The following LHFPL3 variants were observed in gnomAD, a reference collection of about 807,000 sequenced individuals.
LHFPL3 encodes LHFPL tetraspan subfamily member 3 protein.
In LHFPL3, 5 loss-of-function variants were observed where a neutral mutation model predicts 19.3. The observed-to-expected ratio is 0.26, with a 90% CI of 0.14 to 0.54. The LOEUF is 0.54. Among genes scored for constraint, LHFPL3 ranks in the 20% least tolerant of loss-of-function variants. The probability of loss-of-function intolerance (pLI) is 0.94; values close to 1 mark genes in which losing one functional copy is unlikely to be tolerated. For missense variants in LHFPL3, 249 were observed against 307.4 expected, an observed-to-expected ratio of 0.81 and a Z score of 1.42; for synonymous variants, 133 against 126.2, an observed-to-expected ratio of 1.05 and a Z score of -0.36.
intron 1 of LHFPL3, among the ~76,000 whole-genome samples, chr7:104,547,625 T>A (rs187741545): frequency 2.9e-3 from 437 of 152,316 alleles, no homozygotes; most frequent in Non-Finnish European, 3.6e-3. Context: ...AGAGGCAGAC[T>A]GGGTTCTCCA....
chr7:104,670,377 T>A lies in LHFPL3; in HGVS notation c.446-66298T>A, dbSNP rs188556590. Among the ~76,000 whole-genome samples, 1,107 of 152,292 alleles carry A rather than the reference T, an allele frequency of 7.3e-3. 12 individuals are homozygous for A. Among genetic ancestry groups the A allele is most frequent in the African/African-American group, 0.025 (1,019 of 41,558 alleles). On this transcript the variant is annotated intron_variant, in intron 1 of 2. Coordinates refer to ENST00000424859, the MANE Select transcript of LHFPL3 (RefSeq NM_199000.3). ...TGGGGGTCGTGGTAATTCCCAATGT[T>A]TTCTGTGTCCTAGTTTTACCCTTTC...
chr7:104,811,309 C>T (rs1320300899), intron 2 of LHFPL3, among the ~76,000 whole-genome samples: 1 of 152,142 alleles, frequency 6.6e-6, no homozygotes, highest in African/African-American at 2.4e-5. Flanking sequence ...ATCCTCCCAC[C>T]TCAGCCTCCC....
chr7:104,337,071 G>A (rs1240364291), intron 1 of LHFPL3, among the ~76,000 whole-genome samples: 1 of 151,988 alleles, frequency 6.6e-6, no homozygotes, highest in African/African-American at 2.4e-5. Flanking sequence ...TGCAGGGAAT[G>A]TTTTCTGCAT....
intron 1 of LHFPL3, among the ~76,000 whole-genome samples, chr7:104,496,342 G>T (rs976875062): frequency 6.6e-6 from 1 of 152,132 alleles, no homozygotes; most frequent in African/African-American, 2.4e-5. Flanking sequence ...GTGTATATGT[G>T]CCACATTTTC....
At chr7:104,708,949 C>T (rs1793241393) in intron 1 of LHFPL3, among the ~76,000 whole-genome samples, 1 of 152,072 alleles carries the variant, frequency 6.6e-6, no homozygotes, top group South Asian at 2.1e-4. Flanking sequence ...TAACAGTTAC[C>T]TGACTGAAGA....
rs75560059 is a variant in LHFPL3, at chr7:104,643,709, G to T, written c.446-92966G>T. 4.5e-3 allele frequency among the ~76,000 whole-genome samples: 680 copies of T among 152,298 alleles called. 40 individuals carry two copies. The East Asian group carries it at 0.11, about 25-fold the overall frequency. ...GCCTGGGCTTTTTAAAAGCTCCCCA[G>T]ATGATTCTAGTGGGCAACCAAAGCT... On this transcript the variant is annotated intron_variant, in intron 1 of 2. Coordinates refer to ENST00000424859, the MANE Select transcript of LHFPL3 (RefSeq NM_199000.3).
At chr7:104,679,872 A>C (rs975873259) in intron 1 of LHFPL3, among the ~76,000 whole-genome samples, 1 of 152,226 alleles carries the variant, frequency 6.6e-6, no homozygotes, top group Non-Finnish European at 1.5e-5. Flanking sequence ...AGCGACACGC[A>C]TAATAGTGGG....
At chr7:104,868,081 AAAT>A (rs1791764004) in intron 2 of LHFPL3, among the ~76,000 whole-genome samples, 2 of 152,190 alleles carry the variant, frequency 1.3e-5, no homozygotes, top group Non-Finnish European at 1.5e-5. Flanking sequence ...ATGTATCTCA[AAAT>A]AATAAGAGCT....
chr7:104,389,009 G>A (rs1417524763), intron 1 of LHFPL3, among the ~76,000 whole-genome samples: 1 of 152,072 alleles, frequency 6.6e-6, no homozygotes, highest in Non-Finnish European at 1.5e-5. Flanking sequence ...TCATACCAGA[G>A]GTTCTAGCCA....
intron 2 of LHFPL3, among the ~76,000 whole-genome samples, chr7:104,843,867 TA>T (rs1444146227): frequency 6.6e-6 from 1 of 152,182 alleles, no homozygotes; most frequent in Admixed American, 6.6e-5. Context: ...CATGGAATGC[TA>T]CATGTTTTTA....
intron 2 of LHFPL3, among the ~76,000 whole-genome samples, chr7:104,902,867 C>G (rs1792518202): frequency 6.6e-6 from 1 of 152,124 alleles, no homozygotes; most frequent in African/African-American, 2.4e-5. Flanking sequence ...GACCCAAGAC[C>G]AGAGCAGATT....
intron 1 of LHFPL3, among the ~76,000 whole-genome samples, chr7:104,693,415 C>A (rs892048028): frequency 1.3e-5 from 2 of 152,112 alleles, no homozygotes; most frequent in African/African-American, 4.8e-5. Flanking sequence ...GTGTTCCCAC[C>A]CAAATCTCAT....
chr7:104,626,056 T>C (rs1428282125), intron 1 of LHFPL3, among the ~76,000 whole-genome samples: 1 of 152,238 alleles, frequency 6.6e-6, no homozygotes, highest in Non-Finnish European at 1.5e-5. Flanking sequence ...CACAAAGTAC[T>C]GTAGCCATTT....
chr7:104,680,218 C>G (rs1792670369), intron 1 of LHFPL3, among the ~76,000 whole-genome samples: 1 of 152,210 alleles, frequency 6.6e-6, no homozygotes, highest in African/African-American at 2.4e-5. Context: ...TGTGGCCACT[C>G]AATCAGCCTG....
At chr7:104,499,930 T>C (rs1793567885) in intron 1 of LHFPL3, among the ~76,000 whole-genome samples, 1 of 152,218 alleles carries the variant, frequency 6.6e-6, no homozygotes, top group Non-Finnish European at 1.5e-5. Flanking sequence ...GCCAGCAGAT[T>C]AAAAAGATGT....
intron 1 of LHFPL3, among the ~76,000 whole-genome samples, chr7:104,380,250 G>T (rs1380563915): frequency 6.6e-6 from 1 of 152,086 alleles, no homozygotes; most frequent in African/African-American, 2.4e-5. Context: ...CCAGCACACA[G>T]TACTTAATAA....
Position 104,828,916 on chromosome 7 carries a change from T to G in LHFPL3, c.683-77271T>G, listed in dbSNP as rs576871817. Among the ~76,000 whole-genome samples, 33 of 151,832 alleles carry G rather than the reference T, an allele frequency of 2.2e-4. No individual in the cohort carries two copies. The South Asian group carries it at 6.7e-3, about 31-fold the overall frequency. ...TGGGCATGATGGTGCACGCCTGTAA[T>G]CCCAGCTTCTCGGGAGGCTGGGGTG... On this transcript the variant is annotated intron_variant, in intron 2 of 2. Coordinates refer to ENST00000424859, the MANE Select transcript of LHFPL3 (RefSeq NM_199000.3).
intron 1 of LHFPL3, among the ~76,000 whole-genome samples, chr7:104,395,574 A>G (rs1462832303): frequency 6.6e-6 from 1 of 152,186 alleles, no homozygotes; most frequent in Non-Finnish European, 1.5e-5. Context: ...AGAAGGACCC[A>G]CTGACTGACA....
chr7:104,698,489 C>T (rs1373922762), intron 1 of LHFPL3, among the ~76,000 whole-genome samples: 1 of 152,132 alleles, frequency 6.6e-6, no homozygotes, highest in African/African-American at 2.4e-5. Context: ...AAATTAAAAA[C>T]TCTTGTGCAT....
Sources: gnomAD v4.1 joint callset for allele counts (sites outside exome capture counted in the v4.1 genomes callset) on GRCh38, gnomAD v4.1.1 for gene constraint, MANE v1.5 for transcripts, NCBI Gene and HGNC (gene_info 2026-07-23, HGNC 2026-07-21) for gene names.